The following PPARGC1A variants were observed in gnomAD, a reference collection of about 807,000 sequenced individuals.
PPARGC1A encodes the protein PPARG coactivator 1 alpha.
In PPARGC1A, 25 loss-of-function variants were observed where a neutral mutation model predicts 88.7. That is an observed-to-expected ratio of 0.28 (90% CI 0.21 to 0.39). The LOEUF (loss-of-function observed/expected upper bound fraction) is 0.39, where lower values mean the gene tolerates loss of function less well. PPARGC1A is among the 10% of genes least tolerant of loss of function. The pLI, the probability that PPARGC1A is intolerant of heterozygous loss-of-function variation, is 1.00. For missense variants in PPARGC1A, 880 were observed against 968.7 expected, an observed-to-expected ratio of 0.91 and a Z score of 1.22; for synonymous variants, 363 against 355.6, an observed-to-expected ratio of 1.02 and a Z score of -0.24.
At chr4:24,078,360 A>G in the PPARGC1A span, among the ~76,000 whole-genome samples, 1 of 152,130 alleles carries the variant, frequency 6.6e-6, no homozygotes, top group African/African-American at 2.4e-5. Flanking sequence ...GCATAAGGCA[A>G]GTTGTTGGCA....
At chr4:23,985,315 A>G in the PPARGC1A span, among the ~76,000 whole-genome samples, 492 of 152,174 alleles carry the variant, frequency 3.2e-3, 4 homozygotes, top group African/African-American at 0.011. Flanking sequence ...CCTGATGAGA[A>G]AGAGTGAGAA....
the PPARGC1A span, among the ~76,000 whole-genome samples, chr4:24,440,049 C>T: frequency 5.9e-5 from 9 of 152,168 alleles, no homozygotes; most frequent in African/African-American, 1.7e-4. Context: ...ATATTAAGCA[C>T]AAAAAGAGGT....
chr4:24,217,249 G>T, the PPARGC1A span, among the ~76,000 whole-genome samples: 1 of 152,176 alleles, frequency 6.6e-6, no homozygotes, highest in Non-Finnish European at 1.5e-5. Context: ...TTAAAGAATT[G>T]TAGCCCTGCT....
At chr4:23,910,444 TA>T in the PPARGC1A span, among the ~76,000 whole-genome samples, 74 of 122,542 alleles carry the variant, frequency 6.0e-4, 1 homozygote, top group African/African-American at 2.2e-3. Flanking sequence ...TATATATTAA[TA>T]TATATATATT....
chr4:23,889,680 C>G (rs1225559279), intron 1 of PPARGC1A, among the ~76,000 whole-genome samples: 1 of 152,178 alleles, frequency 6.6e-6, no homozygotes, highest in South Asian at 2.1e-4. Context: ...GCAACAGATA[C>G]TGATGACAGC....
chr4:24,464,548 G>A, the PPARGC1A span, among the ~76,000 whole-genome samples: 1 of 152,018 alleles, frequency 6.6e-6, no homozygotes, highest in African/African-American at 2.4e-5. Context: ...TTTTTTGCTT[G>A]TTATTACACA....
At chr4:24,275,961 T>C in the PPARGC1A span, among the ~76,000 whole-genome samples, 1 of 152,134 alleles carries the variant, frequency 6.6e-6, no homozygotes, top group African/African-American at 2.4e-5. Context: ...GAGAAAGAAT[T>C]GAAGGAAATG....
chr4:24,270,234 G>C, the PPARGC1A span, among the ~76,000 whole-genome samples: 1 of 151,936 alleles, frequency 6.6e-6, no homozygotes. Context: ...TGGCTCTCAG[G>C]CCTTCAGACT....
the PPARGC1A span, among the ~76,000 whole-genome samples, chr4:24,417,749 G>C: frequency 1.3e-5 from 2 of 152,050 alleles, no homozygotes; most frequent in Non-Finnish European, 2.9e-5. Context: ...ATTGAGTTCA[G>C]AAGCAAATTA....
intron 2 of PPARGC1A, among the ~76,000 whole-genome samples, chr4:23,847,084 T>C (rs1274250496): frequency 1.3e-5 from 2 of 152,132 alleles, no homozygotes; most frequent in African/African-American, 4.8e-5. Context: ...AGTCAGTATC[T>C]TTGGAGGTGG....
At chr4:24,246,671 A>G in the PPARGC1A span, among the ~76,000 whole-genome samples, 9 of 152,212 alleles carry the variant, frequency 5.9e-5, no homozygotes, top group Non-Finnish European at 1.0e-4. Flanking sequence ...AATTTGGGGT[A>G]AGATGTAAGG....
chr4:24,176,803 G>A, the PPARGC1A span, among the ~76,000 whole-genome samples: 2 of 152,124 alleles, frequency 1.3e-5, no homozygotes, highest in East Asian at 3.9e-4. Context: ...CGAAAAGTGG[G>A]GGTGCAGGCA....
the PPARGC1A span, among the ~76,000 whole-genome samples, chr4:24,199,786 C>T: frequency 3.9e-5 from 6 of 152,222 alleles, no homozygotes; most frequent in East Asian, 1.2e-3. Context: ...TTAGTATAGC[C>T]TTTTTGGAAG....
chr4:24,431,761 G>A, the PPARGC1A span, among the ~76,000 whole-genome samples: 1 of 152,186 alleles, frequency 6.6e-6, no homozygotes, highest in African/African-American at 2.4e-5. Context: ...ATCTCCAGAA[G>A]CTAGAATAGG....
the PPARGC1A span, among the ~76,000 whole-genome samples, chr4:24,082,219 G>T: frequency 6.6e-6 from 1 of 152,112 alleles, no homozygotes; most frequent in African/African-American, 2.4e-5. Context: ...CAAGTAAATT[G>T]TCTGTTTCCC....
the PPARGC1A span, among the ~76,000 whole-genome samples, chr4:24,212,863 C>G: frequency 6.6e-6 from 1 of 152,220 alleles, no homozygotes; most frequent in African/African-American, 2.4e-5. Context: ...CCTTCCTACT[C>G]TCTTAGCATA....
chr4:24,351,346 G>A, the PPARGC1A span, among the ~76,000 whole-genome samples: 1 of 149,922 alleles, frequency 6.7e-6, no homozygotes, highest in Non-Finnish European at 1.5e-5. Context: ...GCAGTGAGCT[G>A]TGATCACACC....
At chr4:24,142,077 A>G in the PPARGC1A span, among the ~76,000 whole-genome samples, 1 of 152,206 alleles carries the variant, frequency 6.6e-6, no homozygotes, top group African/African-American at 2.4e-5. Flanking sequence ...TGCCACATAC[A>G]TGGAACAAAT....
At chr4:23,912,571 T>C in the PPARGC1A span, among the ~76,000 whole-genome samples, 10 of 152,088 alleles carry the variant, frequency 6.6e-5, no homozygotes, top group African/African-American at 2.4e-4. Context: ...CTCCATAATA[T>C]GGGTGAGCCT....
Sources: allele counts gnomAD v4.1 joint callset (sites outside exome capture counted in the v4.1 genomes callset), GRCh38; gene constraint gnomAD v4.1.1; transcripts MANE v1.5; gene names NCBI Gene and HGNC (gene_info 2026-07-23, HGNC 2026-07-21).